The following TSPAN18 variants were observed in gnomAD, a reference collection of about 807,000 sequenced individuals.
TSPAN18 encodes the protein tetraspanin-18.
A neutral mutation model predicts 27.3 loss-of-function variants in TSPAN18; 14 were observed. That is an observed-to-expected ratio of 0.51 (90% CI 0.34 to 0.80). The LOEUF is 0.80. Ranked by LOEUF, TSPAN18 falls within the 30% of genes least tolerant of loss-of-function variation. TSPAN18 has a pLI of 0.01. For missense variants in TSPAN18, 268 were observed against 323.9 expected (o/e 0.83, Z 1.32); for synonymous variants, 143 against 136.5 (o/e 1.05, Z -0.33).
chr11:44,883,746 T>C (rs905206464), intron 3 of TSPAN18, among the ~76,000 whole-genome samples: 3 of 152,232 alleles, frequency 2.0e-5, no homozygotes, highest in African/African-American at 7.2e-5. Context: ...TGCTCCACGC[T>C]TTGCCCTACC....
chr11:44,931,154 A>G lies in TSPAN18; in HGVS notation c.*1976A>G. ...CGCCCTTTAACAGCTTGCTCTGGCA[A>G]CCCCATAAATGACACCTGAGGTCCG... On this transcript the variant is annotated 3_prime_UTR_variant, in exon 10 of 10. Transcript: ENST00000520358. The G allele has an allele frequency of 2.9e-6, 1 of 350,508 alleles. No individual in the cohort carries two copies. Among genetic ancestry groups the G allele is most frequent in the Admixed American group, 3.8e-5 (1 of 26,662 alleles). The allele number at this position is 350,508 out of a possible 1,614,324, so 21.7% of individuals were successfully genotyped here.
chr11:44,921,866 G>A (rs1324333285), intron 8 of TSPAN18, among the ~76,000 whole-genome samples: 3 of 152,128 alleles, frequency 2.0e-5, no homozygotes, highest in Admixed American at 1.3e-4. Flanking sequence ...CTCATCCTCC[G>A]TTAGGATGTC....
intron 8 of TSPAN18, among the ~76,000 whole-genome samples, chr11:44,920,547 A>G (rs576762859): frequency 2.0e-5 from 3 of 152,186 alleles, no homozygotes; most frequent in African/African-American, 7.2e-5. Flanking sequence ...TGCCATTTCT[A>G]GGGAAGACAA....
intron 2 of TSPAN18, among the ~76,000 whole-genome samples, chr11:44,792,614 C>T (rs1856254379): frequency 6.6e-6 from 1 of 152,176 alleles, no homozygotes; most frequent in Admixed American, 6.5e-5. Flanking sequence ...CGGGGCCTCT[C>T]CATCATGGGC....
intron 8 of TSPAN18, among the ~76,000 whole-genome samples, chr11:44,922,117 A>ATTG (rs1188611777): frequency 4.6e-5 from 6 of 131,392 alleles, no homozygotes; most frequent in South Asian, 2.4e-4. Context: ...CCCAGGATGC[A>ATTG]TTTTTTTTTT....
At chr11:44,807,103 A>T (rs1422047514) in intron 2 of TSPAN18, among the ~76,000 whole-genome samples, 2 of 150,870 alleles carry the variant, frequency 1.3e-5, no homozygotes, top group African/African-American at 2.5e-5. Context: ...CACACTTGTA[A>T]TCCCAGCTAC....
At chr11:44,787,660 T>C (rs895940306) in intron 2 of TSPAN18, among the ~76,000 whole-genome samples, 3 of 152,140 alleles carry the variant, frequency 2.0e-5, no homozygotes, top group Non-Finnish European at 4.4e-5. Context: ...AGAGACTGCA[T>C]GTAAAACGTT....
chr11:44,860,088 G>T (rs1857837614), intron 2 of TSPAN18, among the ~76,000 whole-genome samples: 2 of 152,202 alleles, frequency 1.3e-5, no homozygotes, highest in African/African-American at 4.8e-5. Flanking sequence ...TGACGCTTAT[G>T]TATTTTTACT....
intron 2 of TSPAN18, among the ~76,000 whole-genome samples, chr11:44,839,948 G>A (rs1857338607): frequency 6.6e-6 from 1 of 152,172 alleles, no homozygotes. Flanking sequence ...ACCCAGGGTG[G>A]GTGGCTGTCC....
At chr11:44,864,160 G>A (rs1323656093) in intron 3 of TSPAN18, among the ~76,000 whole-genome samples, 1 of 151,864 alleles carries the variant, frequency 6.6e-6, no homozygotes, top group Non-Finnish European at 1.5e-5. Context: ...GGTGGCATTC[G>A]CCTGTAGTCC....
chr11:44,928,791 A>AG (rs1398809738), intron 9 of TSPAN18, among the ~76,000 whole-genome samples: 1 of 136,176 alleles, frequency 7.3e-6, no homozygotes, highest in East Asian at 1.9e-4. Flanking sequence ...GTCTCAAAAA[A>AG]GAAAAAAAAA....
upstream of TSPAN18, chr11:44,726,940 G>T (rs1854525796): frequency 1.4e-5 from 1 of 70,510 alleles, no homozygotes; most frequent in Non-Finnish European, 3.8e-5. Context: ...CGGAGGTGGG[G>T]CCGGCGGGCT....
rs747032387 is a variant in TSPAN18 at position 44,909,773 on chromosome 11, C to T, written c.132C>T (p.Ile44=). ...VMVDPTGFRE[I]VAANPLLLTG... is the part of the protein sequence containing the mutation. ...TGGACCCCACCGGCTTCCGGGAGAT[C>T]GTGGCTGCCAATCCTCTGCTCCTCA... The change falls in exon 5 of 10, where the codon ATC becomes ATT. Residue 44 remains isoleucine, a synonymous_variant. Transcript: ENST00000520358. The T allele has an allele frequency of 1.9e-5, 30 of 1,613,892 alleles. No homozygotes were observed. Among genetic ancestry groups the T allele is most frequent in the Middle Eastern group, 1.7e-4 (1 of 6,060 alleles).
intron 2 of TSPAN18, among the ~76,000 whole-genome samples, chr11:44,823,247 C>T (rs917967940): frequency 3.3e-5 from 5 of 152,186 alleles, no homozygotes; most frequent in Non-Finnish European, 5.9e-5. Flanking sequence ...CTTGTACCCA[C>T]ATTTGGTGGT....
chr11:44,777,199 A>G (rs1015363093), intron 2 of TSPAN18, among the ~76,000 whole-genome samples: 1 of 152,128 alleles, frequency 6.6e-6, no homozygotes, highest in Admixed American at 6.5e-5. Flanking sequence ...GCTCCCCCAT[A>G]TGTCATACAT....
At chr11:44,733,458 G>A (rs1327499843) in intron 1 of TSPAN18, among the ~76,000 whole-genome samples, 1 of 152,196 alleles carries the variant, frequency 6.6e-6, no homozygotes, top group African/African-American at 2.4e-5. Flanking sequence ...TGGATCTTCA[G>A]CCCAGTTCTC....
At chr11:44,812,897 C>CAG (rs1382154022) in intron 2 of TSPAN18, among the ~76,000 whole-genome samples, 2 of 152,242 alleles carry the variant, frequency 1.3e-5, no homozygotes, top group Admixed American at 1.3e-4. Context: ...CAGAAACACA[C>CAG]AGAGCACTAT....
rs35373492 is a variant in TSPAN18 at position 44,851,615 on chromosome 11, T to TC, written c.-152-8704dup. Among the ~76,000 whole-genome samples, 146 of 122,818 alleles carry TC rather than the reference T, an allele frequency of 1.2e-3. 6 individuals carry two copies. Among genetic ancestry groups the TC allele is most frequent in the African/African-American group, 2.8e-3 (96 of 34,894 alleles). 80.6% of individuals were successfully genotyped at this position (122,818 alleles called of 152,430 possible). A position where few individuals can be genotyped will look rare whatever the true frequency, so the allele number is the denominator to read the frequency against. ...TGTTAGCCCAGGTACTCTTGTCACC[T>TC]CCCCCCCCCAACGGCTGGGTCCCTG... On this transcript the variant is annotated intron_variant, in intron 2 of 9. Coordinates refer to ENST00000520358, the MANE Select transcript of TSPAN18 (RefSeq NM_130783.5).
intron 8 of TSPAN18, chr11:44,925,828 C>T (rs1309696637): frequency 1.3e-5 from 2 of 152,076 alleles, no homozygotes; most frequent in Non-Finnish European, 2.9e-5. Context: ...TCTCTGTGGT[C>T]AGCATGGGGG....
Sources: allele counts gnomAD v4.1 joint callset (sites outside exome capture counted in the v4.1 genomes callset), GRCh38; gene constraint gnomAD v4.1.1; transcripts MANE v1.5; gene names NCBI Gene and HGNC (gene_info 2026-07-23, HGNC 2026-07-21).